The following ATP8A1 variants were observed in gnomAD, a reference collection of about 807,000 sequenced individuals.
ATP8A1 encodes ATPase phospholipid transporting 8A1, also known as phospholipid-transporting ATPase IA.
A neutral mutation model predicts 177.7 loss-of-function variants in ATP8A1; 90 were observed. The ratio of observed to expected loss-of-function variants is 0.51; its 90% CI spans 0.43 to 0.60. The LOEUF (loss-of-function observed/expected upper bound fraction) is 0.60. Ranked by LOEUF, ATP8A1 falls within the 20% of genes least tolerant of loss-of-function variation. The pLI, the probability that ATP8A1 is intolerant of heterozygous loss-of-function variation, is 0.00. For synonymous variants in ATP8A1, 493 were observed against 485.9 expected (o/e 1.01, Z -0.19); for missense variants, 1,072 against 1,392.8 (o/e 0.77, Z 3.67).
chr4:42,453,575 G>A (rs1231645103), intron 29 of ATP8A1, among the ~76,000 whole-genome samples: 2 of 152,140 alleles, frequency 1.3e-5, no homozygotes, highest in East Asian at 3.8e-4. Flanking sequence ...TATACTACCC[G>A]CTATACCCTT....
chr4:42,522,370 A>G, intron 21 of ATP8A1, 71 bp from the exon 22 acceptor site: 2 of 1,556,254 alleles, frequency 1.3e-6, no homozygotes, highest in South Asian at 1.2e-5. Context: ...TTCTGTTTTT[A>G]TTTCACAAAG....
chr4:42,549,234 CAG>C, intron 18 of ATP8A1, among the ~76,000 whole-genome samples, 172 bp from the exon 19 acceptor site: 1 of 152,104 alleles, frequency 6.6e-6, no homozygotes, highest in Middle Eastern at 3.4e-3. Context: ...TTACAGGAAA[CAG>C]AAAATCCAAA....
chr4:42,555,846 A>AAC (rs1730176545), intron 16 of ATP8A1, 122 bp downstream of exon 16: 26 of 649,192 alleles, frequency 4.0e-5, no homozygotes, highest in South Asian at 1.6e-4. Context: ...AACTAACTAA[A>AAC]TAAATAAATA....
At chr4:42,563,937 T>C (rs1433614061) in intron 15 of ATP8A1, among the ~76,000 whole-genome samples, 1 of 152,078 alleles carries the variant, frequency 6.6e-6, no homozygotes, top group Non-Finnish European at 1.5e-5. Flanking sequence ...CTACTAAAAA[T>C]ACTTAAAATT....
intron 18 of ATP8A1, among the ~76,000 whole-genome samples, chr4:42,550,622 T>G (rs1729408391): frequency 6.6e-6 from 1 of 152,150 alleles, no homozygotes; most frequent in Non-Finnish European, 1.5e-5. Flanking sequence ...TTTTTAAAAT[T>G]TAGTCTTTAG....
chr4:42,653,525 A>G (rs1183372353), intron 1 of ATP8A1, among the ~76,000 whole-genome samples: 1 of 152,218 alleles, frequency 6.6e-6, no homozygotes, highest in Non-Finnish European at 1.5e-5. Flanking sequence ...CTCTAATACT[A>G]ATTCTGACTT....
At position 42,493,258 on chromosome 4, in the gene ATP8A1, C is replaced by A. The variant is rs529239076; in HGVS notation, c.2152-7590G>T. Among the ~76,000 whole-genome samples, 37 of 152,160 alleles carry A rather than the reference C, an allele frequency of 2.4e-4. 2 individuals carry two copies. The highest frequency in any genetic ancestry group is 4.1e-4 in the Non-Finnish European group (28 of 68,032). On this transcript the variant is annotated intron_variant, in intron 24 of 36. Transcript: ENST00000381668. ...TCGAAACATACCCTATGGCTCAGAA[C>A]TCCAGGTTTTCGTCAACTTCAGGTG...
intron 25 of ATP8A1, among the ~76,000 whole-genome samples, chr4:42,467,214 C>A (rs1055557808): frequency 6.6e-6 from 1 of 152,080 alleles, no homozygotes; most frequent in African/African-American, 2.4e-5. Flanking sequence ...ATTTTCAACA[C>A]CCAAATTAAA....
intron 10 of ATP8A1, 100 bp downstream of exon 10, chr4:42,581,521 A>G: frequency 1.2e-6 from 1 of 843,036 alleles, no homozygotes; most frequent in Non-Finnish European, 2.0e-6. Context: ...GGAGTCTGTG[A>G]CAGATGGTCT....
intron 9 of ATP8A1, among the ~76,000 whole-genome samples, chr4:42,583,659 T>C (rs964685446): frequency 6.6e-6 from 1 of 152,176 alleles, no homozygotes; most frequent in Admixed American, 6.5e-5. Context: ...ATGACCCTCA[T>C]CCTTAAAAGC....
chr4:42,428,198 C>A (rs529531252), intron 33 of ATP8A1, among the ~76,000 whole-genome samples: 1 of 152,332 alleles, frequency 6.6e-6, no homozygotes, highest in Non-Finnish European at 1.5e-5. Context: ...CAGTTTGTAT[C>A]ATCATTCATA....
chr4:42,414,759 C>G (rs773041585), intron 35 of ATP8A1, 41 bp from the exon 36 acceptor site: 6 of 1,489,468 alleles, frequency 4.0e-6, no homozygotes, highest in Non-Finnish European at 5.6e-6. Flanking sequence ...ATTATCAACT[C>G]GGCAGAGACC....
At chr4:42,459,908 C>T (rs1718914137) in intron 27 of ATP8A1, among the ~76,000 whole-genome samples, 1 of 152,130 alleles carries the variant, frequency 6.6e-6, no homozygotes, top group South Asian at 2.1e-4. Context: ...TCTCCTGCCT[C>T]AGCCTCCCAA....
intron 5 of ATP8A1, among the ~76,000 whole-genome samples, chr4:42,613,436 A>G (rs945939301): frequency 2.6e-5 from 4 of 152,198 alleles, no homozygotes; most frequent in African/African-American, 9.7e-5. Flanking sequence ...CAGTATTTGC[A>G]TATAACCTAT....
At chr4:42,605,602 C>T (rs1382246376) in intron 5 of ATP8A1, among the ~76,000 whole-genome samples, 1 of 152,202 alleles carries the variant, frequency 6.6e-6, no homozygotes, top group Admixed American at 6.5e-5. Flanking sequence ...TGCACTTCTG[C>T]CGTCCTCCTT....
At position 42,411,399 on chromosome 4, in the gene ATP8A1, G is replaced by A. The variant is rs1712587602; in HGVS notation, c.*1517C>T. 6.6e-6 allele frequency: 1 copy of A among 152,164 alleles called. No homozygotes were observed. Among genetic ancestry groups the A allele is most frequent in the African/African-American group, 2.4e-5 (1 of 41,438 alleles). 9.4% of individuals were successfully genotyped at this position (152,164 alleles called of 1,614,324 possible). On this transcript the variant is annotated 3_prime_UTR_variant, in exon 37 of 37. Transcript: ENST00000381668. ...TAGTTGACTTTTTTTAAAAGAGAAA[G>A]TTCTACCTATTTTGCTGGTAAGTCC...
At chr4:42,450,976 G>A (rs1717869597) in intron 30 of ATP8A1, among the ~76,000 whole-genome samples, 1 of 152,224 alleles carries the variant, frequency 6.6e-6, no homozygotes, top group Non-Finnish European at 1.5e-5. Flanking sequence ...TGGACAGGAT[G>A]ATCGGGGAAG....
chr4:42,514,283 T>C (rs755658876), intron 22 of ATP8A1, among the ~76,000 whole-genome samples: 4 of 152,148 alleles, frequency 2.6e-5, no homozygotes, highest in Non-Finnish European at 5.9e-5. Flanking sequence ...TGAGAGGTGA[T>C]TGGGTGTAGC....
chr4:42,551,357 G>A, intron 17 of ATP8A1, 77 bp from the exon 18 acceptor site: 1 of 981,474 alleles, frequency 1.0e-6, no homozygotes, highest in South Asian at 1.4e-5. Context: ...GTACATTAAG[G>A]TAATATAATT....
Sources: gnomAD v4.1 joint callset for allele counts (sites outside exome capture counted in the v4.1 genomes callset) on GRCh38, gnomAD v4.1.1 for gene constraint, MANE v1.5 for transcripts, NCBI Gene and HGNC (gene_info 2026-07-23, HGNC 2026-07-21) for gene names.